Variants in RNF17 observed in about 807,000 individuals in gnomAD.
The protein encoded by RNF17 is ring finger protein 17.
Under a neutral mutation model 200.5 loss-of-function variants are expected in RNF17, and 31 were observed. The ratio of observed to expected loss-of-function variants is 0.15; its 90% confidence interval spans 0.12 to 0.21. RNF17 has a LOEUF of 0.21. RNF17 is among the 10% of genes least tolerant of loss of function. RNF17 has a pLI of 1.00. For synonymous variants in RNF17, 606 were observed against 637.8 expected, an observed-to-expected ratio of 0.95 and a Z score of 0.75; for missense variants, 1,628 against 1,905.1, an observed-to-expected ratio of 0.85 and a Z score of 2.71.
chr13:24,825,714 A>G lies in RNF17; in HGVS notation c.2187A>G (p.Gln729=). The G allele has an allele frequency of 6.2e-7, 1 of 1,613,790 alleles. No individual in the cohort carries two copies. Among genetic ancestry groups the G allele is most frequent in the South Asian group, 1.1e-5 (1 of 91,050 alleles). Residue 729 remains glutamine, a synonymous_variant, in exon 16 of 36, where the codon CAA becomes CAG. Coordinates refer to ENST00000255324, the MANE Select transcript of RNF17 (RefSeq NM_031277.3). ...GENLEILCPV[Q]DQACVAKFED... Reference sequence around the variant, plus strand: ...ATCTGGAAATCCTCTGTCCAGTTCAAGATCAAGCCTGTGTAGCTAAATTTG... The same window carrying G: ...ATCTGGAAATCCTCTGTCCAGTTCAGGATCAAGCCTGTGTAGCTAAATTTG...
At chr13:24,836,645 GACAA>G (rs1420767885) in intron 18 of RNF17, among the ~76,000 whole-genome samples, 1 of 152,088 alleles carries the variant, frequency 6.6e-6, no homozygotes, top group African/African-American at 2.4e-5. Context: ...GTCTTTTTCA[GACAA>G]ACAAAGGCTG....
At chr13:24,755,859 T>C in the RNF17 span, among the ~76,000 whole-genome samples, 2 of 152,186 alleles carry the variant, frequency 1.3e-5, no homozygotes, top group Admixed American at 6.5e-5. Context: ...TATTGCTATA[T>C]AGGTTTAGAT....
downstream of RNF17, among the ~76,000 whole-genome samples, chr13:24,880,591 A>G (rs1465269302): frequency 1.3e-5 from 2 of 152,152 alleles, no homozygotes; most frequent in African/African-American, 4.8e-5. Context: ...TGGTATGTAT[A>G]ACTCTATTCA....
the RNF17 span, among the ~76,000 whole-genome samples, chr13:24,887,475 C>A: frequency 6.6e-6 from 1 of 152,156 alleles, no homozygotes; most frequent in Non-Finnish European, 1.5e-5. Flanking sequence ...CTCATAGGAG[C>A]AAGAACCCTA....
At chr13:24,779,008 G>T (rs1425575367) in intron 4 of RNF17, among the ~76,000 whole-genome samples, 3 of 152,142 alleles carry the variant, frequency 2.0e-5, no homozygotes, top group Non-Finnish European at 4.4e-5. Flanking sequence ...GGCCAACATG[G>T]CGAAACCCCA....
rs575197317 is a variant in RNF17 at position 24,814,049 on chromosome 13, A to G, written c.2091+9620A>G. Among the ~76,000 whole-genome samples, 71 of 152,220 alleles carry G rather than the reference A, an allele frequency of 4.7e-4. 1 individual carries two copies. Among genetic ancestry groups the G allele is most frequent in the Non-Finnish European group, 8.7e-4 (59 of 68,012 alleles). ...TTAATAATATATAAACAGCTAACAT[A>G]TATTTTGTATATGTATTCAATACTG... On this transcript the variant is annotated intron_variant, in intron 15 of 35. Transcript: ENST00000255324.
intron 10 of RNF17, among the ~76,000 whole-genome samples, chr13:24,795,099 G>A (rs1179629272): frequency 6.6e-6 from 1 of 152,010 alleles, no homozygotes; most frequent in Non-Finnish European, 1.5e-5. Flanking sequence ...CCCTAAATAT[G>A]GGCATTATTC....
intron 4 of RNF17, among the ~76,000 whole-genome samples, 170 bp downstream of exon 4, chr13:24,778,576 T>C (rs185264982): frequency 4.1e-4 from 63 of 152,354 alleles, no homozygotes; most frequent in African/African-American, 1.4e-3. Context: ...ACAGTTCTCT[T>C]TTCTTCCAAG....
chr13:24,858,575 GAT>G lies in RNF17; in HGVS notation c.3611-409_3611-408del, dbSNP rs397770900. ...CTTACCTTCTATGGTATCAGTTATG[GAT>G]ATATATATATATATATGTTTACTGT... On this transcript the variant is annotated intron_variant, in intron 25 of 35. Transcript: ENST00000255324. Among the ~76,000 whole-genome samples, 1,216 of 143,188 alleles carry G rather than the reference GAT, an allele frequency of 8.5e-3. 31 individuals carry two copies. The East Asian group carries it at 0.088, about 10-fold the overall frequency. 93.9% of individuals were successfully genotyped at this position (143,188 alleles called of 152,430 possible). A position where few individuals can be genotyped will look rare whatever the true frequency, so the allele number is the denominator to read the frequency against.
intron 6 of RNF17, among the ~76,000 whole-genome samples, chr13:24,786,597 A>G (rs891296469): frequency 1.3e-5 from 2 of 152,196 alleles, no homozygotes; most frequent in Admixed American, 1.3e-4. Context: ...ACTGGTAATG[A>G]ACTCCCTCAG....
intron 30 of RNF17, among the ~76,000 whole-genome samples, chr13:24,868,247 G>A (rs1211112257): frequency 6.6e-6 from 1 of 151,680 alleles, no homozygotes; most frequent in African/African-American, 2.4e-5. Flanking sequence ...GAGGCGGGCG[G>A]ATCACGAGGT....
intron 3 of RNF17, among the ~76,000 whole-genome samples, chr13:24,776,409 G>A (rs1881577613): frequency 6.6e-6 from 1 of 152,130 alleles, no homozygotes; most frequent in Non-Finnish European, 1.5e-5. Context: ...ACAAAAGAAT[G>A]GTTTTAGCCA....
At chr13:24,797,930 T>G (rs1281685330) in intron 11 of RNF17, among the ~76,000 whole-genome samples, 1 of 152,176 alleles carries the variant, frequency 6.6e-6, no homozygotes, top group Non-Finnish European at 1.5e-5. Flanking sequence ...CAATAAATGA[T>G]GCAGTACAAA....
At position 24,851,568 on chromosome 13, in the gene RNF17, G is replaced by A. The variant is rs1470306309; in HGVS notation, c.3317G>A (p.Arg1106Lys). 13 of 1,603,386 alleles carry A rather than the reference G, an allele frequency of 8.1e-6. No homozygotes were observed. The Admixed American group carries it at 1.7e-4, about 21-fold the overall frequency. Residue 1106 changes from arginine to lysine, a missense_variant, in exon 24 of 36, where the codon AGG becomes AAG. Arg to Lys is a conservative substitution (Grantham distance 26). Coordinates refer to ENST00000255324, the MANE Select transcript of RNF17 (RefSeq NM_031277.3). ...LIKKGLALRE[R>K]RINNLDNSHS... is the part of the protein sequence containing the mutation. The stretch of plus-strand genomic sequence containing the variant: ...AAAAAGGGTTTGGCTTTGAGAGAAA[G>A]GAGGTATAGACTTTTTTAAAAAATT...
intron 1 of RNF17, 25 bp downstream of exon 1, chr13:24,764,358 G>C: frequency 6.4e-7 from 1 of 1,562,678 alleles, no homozygotes; most frequent in Non-Finnish European, 8.7e-7. Flanking sequence ...GGCCCACCTA[G>C]CGGGGAGGCA....
chr13:24,770,290 G>C (rs1193361475), intron 2 of RNF17, among the ~76,000 whole-genome samples: 1 of 152,030 alleles, frequency 6.6e-6, no homozygotes, highest in Non-Finnish European at 1.5e-5. Context: ...AGCAACAAAA[G>C]CAGGCAAAAC....
intron 18 of RNF17, among the ~76,000 whole-genome samples, chr13:24,835,725 A>G (rs560839182): frequency 1.0e-3 from 156 of 152,340 alleles, no homozygotes; most frequent in Non-Finnish European, 1.8e-3. Context: ...ATGAGAAATA[A>G]CCAGAAAACC....
chr13:24,853,650 A>G (rs138595127), intron 24 of RNF17, among the ~76,000 whole-genome samples: 49 of 152,284 alleles, frequency 3.2e-4, no homozygotes, highest in East Asian at 1.9e-3. Context: ...AATTTAAAAC[A>G]TTTACTTAAA....
upstream of RNF17, among the ~76,000 whole-genome samples, chr13:24,762,098 G>A (rs772010109): frequency 1.3e-5 from 2 of 152,182 alleles, no homozygotes; most frequent in Non-Finnish European, 2.9e-5. Flanking sequence ...GCCGGACGCG[G>A]TGGCTCACGC....
Sources: allele counts gnomAD v4.1 joint callset (sites outside exome capture counted in the v4.1 genomes callset), GRCh38; gene constraint gnomAD v4.1.1; transcripts MANE v1.5; gene names NCBI Gene and HGNC (gene_info 2026-07-23, HGNC 2026-07-21).